The following ANGPTL5 variants were observed in gnomAD, a reference collection of about 807,000 sequenced individuals.
ANGPTL5 encodes the protein angiopoietin-related protein 5.
A neutral mutation model predicts 39.4 loss-of-function variants in ANGPTL5; 34 were observed. That is an observed-to-expected ratio of 0.86 (90% CI 0.66 to 1.15). The LOEUF (loss-of-function observed/expected upper bound fraction) is 1.15, where lower values mean the gene tolerates loss of function less well. Among genes scored for constraint, ANGPTL5 ranks in the 50% most tolerant of loss-of-function variants. ANGPTL5 has a pLI of 0.00. For missense variants in ANGPTL5, 467 were observed against 457.5 expected (o/e 1.02, Z -0.19); for synonymous variants, 146 against 152.1 (o/e 0.96, Z 0.29).
chr11:101,893,304 G>A (rs527397063), intron 8 of ANGPTL5, among the ~76,000 whole-genome samples: 11 of 152,266 alleles, frequency 7.2e-5, no homozygotes, highest in Non-Finnish European at 1.0e-4. Flanking sequence ...TGGGATTCTC[G>A]TGGAACAAGT....
intron 1 of ANGPTL5, among the ~76,000 whole-genome samples, chr11:101,908,696 G>A (rs1025673850): frequency 5.3e-5 from 8 of 149,944 alleles, no homozygotes; most frequent in African/African-American, 7.4e-5. Context: ...AGGGAGAATC[G>A]CTTGAACCTG....
intron 5 of ANGPTL5, 135 bp downstream of exon 5, chr11:101,904,679 G>C: frequency 1.3e-6 from 1 of 747,118 alleles, no homozygotes; most frequent in East Asian, 2.6e-5. Context: ...TTAATAGCAG[G>C]TATTAGCCCT....
chr11:101,914,165 T>C (rs2137070192), intron 1 of ANGPTL5, among the ~76,000 whole-genome samples: 1 of 152,298 alleles, frequency 6.6e-6, no homozygotes, highest in East Asian at 1.9e-4. Flanking sequence ...ATTTGAATGG[T>C]GGGTGAATAA....
intron 1 of ANGPTL5, 104 bp from the exon 2 acceptor site, chr11:101,908,105 C>A: frequency 2.0e-6 from 1 of 494,058 alleles, no homozygotes; most frequent in Non-Finnish European, 3.7e-6. Flanking sequence ...TCTGGAGATC[C>A]TGACATTTTA....
Position 101,916,475 on chromosome 11 carries a change from G to C in ANGPTL5, c.-549C>G, listed in dbSNP as rs1356845900. 1 of 152,136 alleles carries C rather than the reference G, an allele frequency of 6.6e-6. No homozygotes were observed. The highest frequency in any genetic ancestry group is 2.4e-5 in the African/African-American group (1 of 41,422). The allele number at this position is 152,136 out of a possible 1,614,324, so 9.4% of individuals were successfully genotyped here. A position where few individuals can be genotyped will look rare whatever the true frequency, so the allele number is the denominator to read the frequency against. ...CTTCAGTCTTTTCTTTCTTTGGGCA[G>C]GTTCTCAAAATGGTAGCTTGCAATA... On this transcript the variant is annotated 5_prime_UTR_variant, in exon 1 of 9. Transcript: ENST00000334289.
intron 7 of ANGPTL5, among the ~76,000 whole-genome samples, chr11:101,896,189 T>C (rs1031844541): frequency 6.7e-6 from 1 of 148,260 alleles, no homozygotes; most frequent in Non-Finnish European, 1.5e-5. Flanking sequence ...TTTATTTATT[T>C]ATTTATTTAT....
intron 6 of ANGPTL5, among the ~76,000 whole-genome samples, chr11:101,901,068 G>A (rs1311395692): frequency 1.4e-5 from 2 of 146,912 alleles, no homozygotes; most frequent in South Asian, 2.2e-4. Flanking sequence ...TAGTAGAGAC[G>A]GGGTTTCGCT....
rs1939698855 is a variant in ANGPTL5 at position 101,891,634 on chromosome 11, A to C, written c.848-36T>G. 4 of 1,576,484 alleles carry C rather than the reference A, an allele frequency of 2.5e-6. No individual in the cohort carries two copies. In the Admixed American group the frequency reaches 5.1e-5, roughly 20 times the overall value. On this transcript the variant is annotated intron_variant, in intron 8 of 8. Transcript: ENST00000334289. ...AATTTTTAATGATCGAATTTAAAGGAAATTTCTATTATTTTAATTAATCAT... is the reference window on the plus strand; with the variant it reads ...AATTTTTAATGATCGAATTTAAAGGCAATTTCTATTATTTTAATTAATCAT...
chr11:101,891,139 C>G lies in ANGPTL5; in HGVS notation c.*140G>C, dbSNP rs1939684274. On this transcript the variant is annotated 3_prime_UTR_variant, in exon 9 of 9. Transcript: ENST00000334289. ...TAGAATACTACAAAATTGAAGTTTT[C>G]TAATTAAACTCATAACATCTAAATG... The G allele has an allele frequency of 2.7e-6, 2 of 732,744 alleles. No homozygotes were observed. The highest frequency in any genetic ancestry group is 4.2e-6 in the Non-Finnish European group (2 of 473,296). 45.4% of individuals were successfully genotyped at this position (732,744 alleles called of 1,614,324 possible). A position where few individuals can be genotyped will look rare whatever the true frequency, so the allele number is the denominator to read the frequency against.
Position 101,891,072 on chromosome 11 carries a change from T to C in ANGPTL5, c.*207A>G. 1 of 444,494 alleles carries C rather than the reference T, an allele frequency of 2.2e-6. No homozygotes were observed. The allele number at this position is 444,494 out of a possible 1,614,324, so 27.5% of individuals were successfully genotyped here. On this transcript the variant is annotated 3_prime_UTR_variant, in exon 9 of 9. Coordinates refer to ENST00000334289, the MANE Select transcript of ANGPTL5 (RefSeq NM_178127.5). Reference sequence around the variant, plus strand: ...CAAATTTCATTGTATATTGTTAATATAGTCAGAAGTAAAAACATACAATAA... The same window carrying C: ...CAAATTTCATTGTATATTGTTAATACAGTCAGAAGTAAAAACATACAATAA...
At chr11:101,892,397 A>G (rs1939717852) in intron 8 of ANGPTL5, among the ~76,000 whole-genome samples, 1 of 151,864 alleles carries the variant, frequency 6.6e-6, no homozygotes, top group Non-Finnish European at 1.5e-5. Context: ...CACCCAGCTA[A>G]TTTTTGTATT....
intron 4 of ANGPTL5, among the ~76,000 whole-genome samples, 171 bp from the exon 5 acceptor site, chr11:101,905,078 G>A (rs572963479): frequency 1.1e-4 from 17 of 152,190 alleles, no homozygotes; most frequent in Non-Finnish European, 1.5e-4. Context: ...ATTAAATTTC[G>A]TAGTATCTAC....
intron 6 of ANGPTL5, 98 bp from the exon 7 acceptor site, chr11:101,900,648 C>A: frequency 1.5e-6 from 2 of 1,318,240 alleles, no homozygotes; most frequent in Non-Finnish European, 2.2e-6. Flanking sequence ...GAAAAAGAGA[C>A]GGTACTGCCA....
chr11:101,903,879 G>C (rs1027076041), intron 5 of ANGPTL5, among the ~76,000 whole-genome samples: 1 of 117,614 alleles, frequency 8.5e-6, no homozygotes, highest in Non-Finnish European at 1.9e-5. Context: ...CCTGTGATTC[G>C]GGCATTTTTT....
At chr11:101,903,985 T>A (rs924608638) in intron 5 of ANGPTL5, among the ~76,000 whole-genome samples, 3 of 152,150 alleles carry the variant, frequency 2.0e-5, no homozygotes, top group Non-Finnish European at 4.4e-5. Context: ...AAGAGGTAGG[T>A]ACTATCAGTT....
chr11:101,896,488 C>G (rs1939798026), intron 7 of ANGPTL5, among the ~76,000 whole-genome samples: 1 of 152,104 alleles, frequency 6.6e-6, no homozygotes, highest in African/African-American at 2.4e-5. Flanking sequence ...GGTATTTCTT[C>G]TAATGCTATC....
chr11:101,903,845 C>A (rs779009325), intron 5 of ANGPTL5, among the ~76,000 whole-genome samples: 18 of 152,024 alleles, frequency 1.2e-4, no homozygotes, highest in Admixed American at 9.8e-4. Context: ...ATGATCATAG[C>A]AAGCAAGCCC....
rs185003787 is a variant in ANGPTL5 at position 101,897,035 on chromosome 11, A to C, written c.662-1971T>G. Among the ~76,000 whole-genome samples the C allele has an allele frequency of 5.3e-4, 80 of 152,228 alleles. 1 individual carries two copies. Among genetic ancestry groups the C allele is most frequent in the Middle Eastern group, 3.4e-3 (1 of 294 alleles). On this transcript the variant is annotated intron_variant, in intron 7 of 8. Coordinates refer to ENST00000334289, the MANE Select transcript of ANGPTL5 (RefSeq NM_178127.5). ...AGCATCTGTTGTTTCCTGACTTTTTACTTATCACCATTCTAACTGGTGTGA... is the reference window on the plus strand; with the variant it reads ...AGCATCTGTTGTTTCCTGACTTTTTCCTTATCACCATTCTAACTGGTGTGA...
Position 101,891,365 on chromosome 11 carries a change from C to T in ANGPTL5, c.1081G>A (p.Gly361Ser). The change falls in exon 9 of 9, where the codon GGC becomes AGC. Residue 361 changes from glycine to serine, a missense_variant. Gly to Ser is a moderately conservative substitution (Grantham distance 56). Transcript: ENST00000334289. The stretch of plus-strand genomic sequence containing the variant: ...GGTGAGTTGTTTTTGGTCCACGTGC[C>T]CCATTGAATTCCAGTTGCAAGCAAT... Reference protein sequence around the residue: ...GKLLATGIQWGTWTKNNSPVK... With the variant: ...GKLLATGIQWSTWTKNNSPVK... 3 of 1,613,792 alleles carry T rather than the reference C, an allele frequency of 1.9e-6. No individual in the cohort carries two copies. Among genetic ancestry groups the T allele is most frequent in the Non-Finnish European group, 2.5e-6 (3 of 1,179,928 alleles).
Sources: gnomAD v4.1 joint callset for allele counts (sites outside exome capture counted in the v4.1 genomes callset) on GRCh38, gnomAD v4.1.1 for gene constraint, MANE v1.5 for transcripts, NCBI Gene and HGNC (gene_info 2026-07-23, HGNC 2026-07-21) for gene names.